Variants in CES5A observed in about 807,000 individuals in gnomAD.
CES5A encodes the protein carboxylesterase 5.
Under a neutral mutation model 62.9 loss-of-function variants are expected in CES5A, and 67 were observed. That is an observed-to-expected ratio of 1.07 (90% CI 0.88 to 1.31). CES5A has a LOEUF of 1.31. Ranked by LOEUF, CES5A falls within the 50% of genes most tolerant of loss-of-function variation. CES5A has a pLI of 0.00. For synonymous variants in CES5A, 296 were observed against 280.8 expected, an observed-to-expected ratio of 1.05 and a Z score of -0.54; for missense variants, 748 against 708.5, an observed-to-expected ratio of 1.06 and a Z score of -0.63.
chr16:55,945,216 G>C (rs1321649545), intron 2 of CES5A, among the ~76,000 whole-genome samples: 2 of 148,448 alleles, frequency 1.3e-5, no homozygotes, highest in African/African-American at 5.2e-5. Context: ...CTTGGAATGG[G>C]GTCTAGCACT....
intron 2 of CES5A, among the ~76,000 whole-genome samples, chr16:55,938,783 TATATATATATATATAC>T (rs1175704694): frequency 1.8e-4 from 17 of 94,610 alleles, no homozygotes; most frequent in South Asian, 7.5e-4. Context: ...TATATATATA[TATATATATATATATAC>T]ACACATATAT....
At chr16:55,914,701 G>A (rs1221505472) in intron 1 of CES5A, among the ~76,000 whole-genome samples, 3 of 152,182 alleles carry the variant, frequency 2.0e-5, no homozygotes, top group Non-Finnish European at 4.4e-5. Context: ...GCTGGTCTGG[G>A]GAGCAGGGAG....
At chr16:55,863,583 G>T in intron 5 of CES5A, 131 bp from the exon 6 acceptor site, 1 of 627,004 alleles carries the variant, frequency 1.6e-6, no homozygotes, top group African/African-American at 1.8e-5. Flanking sequence ...AAAAAGCCCT[G>T]GTTTAGGGGT....
rs567384774 is a variant in CES5A at position 55,946,806 on chromosome 16, T to C, written c.160+2979A>G. The stretch of plus-strand genomic sequence containing the variant: ...ACTTGGGCTCAGCTGAGTTTGGCTC[T>C]GGCCTTTGGTTTGATCCAGGTACTC... On this transcript the variant is annotated intron_variant, in intron 2 of 13. Transcript: ENST00000521992. Among the ~76,000 whole-genome samples the C allele has an allele frequency of 2.0e-5, 3 of 152,366 alleles. No individual in the cohort carries two copies. The East Asian group carries it at 5.8e-4, about 29-fold the overall frequency.
intron 11 of CES5A, among the ~76,000 whole-genome samples, chr16:55,847,148 G>C (rs77376393): frequency 0.011 from 1,711 of 151,872 alleles, 28 homozygotes; most frequent in African/African-American, 0.04. Flanking sequence ...CCCTCTCTCT[G>C]TCTCTGTTTT....
At chr16:55,876,211 C>A (rs2033691003), upstream of CES5A, among the ~76,000 whole-genome samples, 1 of 152,220 alleles carries the variant, frequency 6.6e-6, no homozygotes, top group East Asian at 1.9e-4. Flanking sequence ...TCTGTCTTCA[C>A]AATTTGTACC....
At chr16:55,916,101 C>A (rs956442117) in intron 1 of CES5A, among the ~76,000 whole-genome samples, 4 of 152,160 alleles carry the variant, frequency 2.6e-5, no homozygotes, top group Admixed American at 6.5e-5. Context: ...GCCAGGGATT[C>A]TACTTCTGGG....
chr16:55,862,787 G>C (rs1343690943), intron 6 of CES5A, among the ~76,000 whole-genome samples: 1 of 152,126 alleles, frequency 6.6e-6, no homozygotes, highest in Non-Finnish European at 1.5e-5. Flanking sequence ...AACACTTATG[G>C]CTGCCTGATA....
At chr16:55,924,753 C>T (rs957036809) in intron 1 of CES5A, among the ~76,000 whole-genome samples, 10 of 151,696 alleles carry the variant, frequency 6.6e-5, no homozygotes, top group African/African-American at 1.7e-4. Flanking sequence ...GTAGAGAACA[C>T]AGATATAAAT....
At chr16:55,895,500 C>G (rs1329201992) in intron 1 of CES5A, among the ~76,000 whole-genome samples, 1 of 152,208 alleles carries the variant, frequency 6.6e-6, no homozygotes, top group African/African-American at 2.4e-5. Flanking sequence ...AGACTTTTGA[C>G]TTGTATGGAG....
chr16:55,940,947 A>C (rs763515883), intron 2 of CES5A, among the ~76,000 whole-genome samples: 18 of 151,762 alleles, frequency 1.2e-4, no homozygotes, highest in Non-Finnish European at 2.7e-4. Context: ...AAAATGCAAC[A>C]ATTCATGATA....
intron 1 of CES5A, among the ~76,000 whole-genome samples, chr16:55,910,009 C>T (rs1380224391): frequency 6.6e-6 from 1 of 152,208 alleles, no homozygotes; most frequent in Non-Finnish European, 1.5e-5. Flanking sequence ...GGACATTCAC[C>T]TCTGCTCCCT....
chr16:55,938,823 CAT>C (rs1298781112), intron 2 of CES5A, among the ~76,000 whole-genome samples: 56 of 91,398 alleles, frequency 6.1e-4, no homozygotes, highest in Admixed American at 1.4e-3. Flanking sequence ...TATACACACA[CAT>C]ATATATATAT....
At position 55,846,757 on chromosome 16, in the gene CES5A, G is replaced by A; in HGVS notation, c.1496+11C>T. ...GGCCTTGGCATGGGGGAGACCGGGA[G>A]GTTTACTTACCCGGTTCGAGCAAAG... On this transcript the variant is annotated intron_variant, in intron 12 of 12. Coordinates refer to ENST00000290567, the MANE Select transcript of CES5A (RefSeq NM_001143685.2). 5.6e-6 allele frequency: 9 copies of A among 1,613,848 alleles called. No homozygotes were observed. The highest frequency in any genetic ancestry group is 7.6e-6 in the Non-Finnish European group (9 of 1,179,748).
intron 2 of CES5A, among the ~76,000 whole-genome samples, chr16:55,934,736 T>C (rs1243717234): frequency 6.6e-6 from 1 of 151,888 alleles, no homozygotes; most frequent in African/African-American, 2.4e-5. Context: ...AGAGAAATTA[T>C]AAGATACTGC....
chr16:55,946,387 A>G (rs1237380145), intron 2 of CES5A, among the ~76,000 whole-genome samples: 2 of 152,174 alleles, frequency 1.3e-5, no homozygotes, highest in African/African-American at 4.8e-5. Context: ...GCTGCAAGGC[A>G]CAAAGCCAGC....
chr16:55,865,988 G>C lies in CES5A; in HGVS notation c.680C>G (p.Ala227Gly). 1.9e-6 allele frequency: 3 copies of C among 1,614,184 alleles called. No homozygotes were observed. The highest frequency in any genetic ancestry group is 2.5e-6 in the Non-Finnish European group (3 of 1,180,032). Residue 227 changes from alanine (A) to glycine (G), a missense_variant, in exon 5 of 13, where the codon GCG becomes GGG. By Grantham distance (60) the Ala-to-Gly change is moderately conservative. Coordinates refer to ENST00000290567, the MANE Select transcript of CES5A (RefSeq NM_001143685.2). The part of the protein sequence containing the change: ...PSSVTIFGES[A>G]GAISVSSLIL... ...AAGACTAGAAACACTTATGGCTCCC[G>C]CGGACTCGCCAAAGATGGTCACAGA...
intron 2 of CES5A, among the ~76,000 whole-genome samples, chr16:55,933,406 A>G (rs188586256): frequency 3.7e-4 from 57 of 152,214 alleles, no homozygotes; most frequent in African/African-American, 1.3e-3. Flanking sequence ...TAGTAGTGAT[A>G]AAGAAATGGG....
At position 55,852,746 on chromosome 16, in the gene CES5A, C is replaced by G; in HGVS notation, c.1273+135G>C. ...GCAGGTCCCCATGGCATGTTTCCAT[C>G]CAGGCACACCTGGAAATGCACTTTC... On this transcript the variant is annotated intron_variant, in intron 10 of 12. Transcript: ENST00000290567. 3.2e-6 allele frequency: 3 copies of G among 947,620 alleles called. 1 individual carries two copies. The South Asian group carries it at 6.0e-5, about 19-fold the overall frequency. 58.7% of individuals were successfully genotyped at this position (947,620 alleles called of 1,614,324 possible).
Sources: gnomAD v4.1 joint callset for allele counts (sites outside exome capture counted in the v4.1 genomes callset) on GRCh38, gnomAD v4.1.1 for gene constraint, MANE v1.5 for transcripts, NCBI Gene and HGNC (gene_info 2026-07-23, HGNC 2026-07-21) for gene names.